TECRL: variants seen among roughly 807,000 people sequenced by gnomAD.
TECRL encodes the protein trans-2,3-enoyl-CoA reductase-like.
In TECRL, 63 loss-of-function variants were observed where a neutral mutation model predicts 52.8. That is an observed-to-expected ratio of 1.19 (90% confidence interval 0.97 to 1.47). TECRL has a LOEUF of 1.47. TECRL is among the 40% of genes most tolerant of loss of function. TECRL has a pLI of 0.00. For missense variants in TECRL, 482 were observed against 429.6 expected, an observed-to-expected ratio of 1.12 and a Z score of -1.08; for synonymous variants, 164 against 141.9, an observed-to-expected ratio of 1.16 and a Z score of -1.10.
In TECRL at chr4:64,280,040, TG is replaced by T. The variant is rs542128095; in HGVS notation, c.*31del. The T allele has an allele frequency of 4.7e-3, 7,349 of 1,565,884 alleles. 23 individuals carry two copies. The highest frequency in any genetic ancestry group is 5.9e-3 in the Non-Finnish European group (6,863 of 1,156,766). On this transcript the variant is annotated 3_prime_UTR_variant, in exon 12 of 12. Coordinates refer to ENST00000381210, the MANE Select transcript of TECRL (RefSeq NM_001010874.5). ...AGTCTTATTTATTGAATTTATATGT[TG>T]CTGTTTTCTATAGGAGATAAGATTC...
Position 64,335,036 on chromosome 4 carries a change from T to C in TECRL, c.287-6480A>G, listed in dbSNP as rs528705978. Reference sequence around the variant, plus strand: ...CAATTTTACTTTGCAGAAACAGTAATCAGACCTGATTGTCCACCTCTTCAT... The same window carrying C: ...CAATTTTACTTTGCAGAAACAGTAACCAGACCTGATTGTCCACCTCTTCAT... On this transcript the variant is annotated intron_variant, in intron 2 of 11. Coordinates refer to ENST00000381210, the MANE Select transcript of TECRL (RefSeq NM_001010874.5). Among the ~76,000 whole-genome samples the C allele has an allele frequency of 1.6e-4, 24 of 152,302 alleles. No individual in the cohort carries two copies. In the South Asian group the frequency reaches 4.6e-3, roughly 29 times the overall value.
intron 9 of TECRL, among the ~76,000 whole-genome samples, chr4:64,288,696 T>C (rs1005849132): frequency 6.6e-6 from 1 of 152,244 alleles, no homozygotes; most frequent in Middle Eastern, 3.4e-3. Flanking sequence ...TCATGGTCAC[T>C]GTTTGGTGGT....
intron 2 of TECRL, among the ~76,000 whole-genome samples, chr4:64,339,031 G>C (rs580623): frequency 0.96 from 145,916 of 151,940 alleles, 70,341 homozygotes; most frequent in East Asian, 1. Context: ...TTGGAACCAA[G>C]CCAAATGTCC....
chr4:64,365,549 C>A (rs72614755), intron 2 of TECRL, among the ~76,000 whole-genome samples: 1 of 151,808 alleles, frequency 6.6e-6, no homozygotes, highest in African/African-American at 2.4e-5. Context: ...AATACAAAAC[C>A]AATGTACAAT....
At chr4:64,372,677 C>T (rs774327236) in intron 2 of TECRL, among the ~76,000 whole-genome samples, 12 of 151,106 alleles carry the variant, frequency 7.9e-5, no homozygotes, top group African/African-American at 1.2e-4. Flanking sequence ...TTAATCAAAA[C>T]GAGAACAAAA....
chr4:64,397,363 C>T (rs1724026248), intron 1 of TECRL, among the ~76,000 whole-genome samples: 1 of 151,868 alleles, frequency 6.6e-6, no homozygotes, highest in African/African-American at 2.4e-5. Context: ...AAAGGAACTA[C>T]AGTACATTTA....
chr4:64,288,676 CA>C (rs1266090146), intron 9 of TECRL, among the ~76,000 whole-genome samples: 1 of 151,930 alleles, frequency 6.6e-6, no homozygotes, highest in Non-Finnish European at 1.5e-5. Flanking sequence ...CTTGCCCTCC[CA>C]AAAAAAGGTC....
intron 5 of TECRL, among the ~76,000 whole-genome samples, chr4:64,310,357 T>C (rs1724600144): frequency 6.6e-6 from 1 of 152,202 alleles, no homozygotes; most frequent in Non-Finnish European, 1.5e-5. Flanking sequence ...TTTTTAATTG[T>C]CTGGTTGTCC....
chr4:64,366,076 G>A (rs1169597592), intron 2 of TECRL, among the ~76,000 whole-genome samples: 1 of 151,926 alleles, frequency 6.6e-6, no homozygotes, highest in Non-Finnish European at 1.5e-5. Context: ...CAGAAAAAAA[G>A]CCACACAAAT....
At chr4:64,375,504 C>T (rs966252141) in intron 1 of TECRL, among the ~76,000 whole-genome samples, 2 of 151,568 alleles carry the variant, frequency 1.3e-5, no homozygotes, top group Non-Finnish European at 2.9e-5. Context: ...TTTCTTTGTC[C>T]AAAATAGTCA....
Position 64,386,851 on chromosome 4 carries a change from A to T in TECRL, c.235-11628T>A, listed in dbSNP as rs147227127. Among the ~76,000 whole-genome samples, 349 of 152,262 alleles carry T rather than the reference A, an allele frequency of 2.3e-3. 2 individuals are homozygous for T. Among genetic ancestry groups the T allele is most frequent in the African/African-American group, 8.1e-3 (335 of 41,564 alleles). ...GATTTCCAAGGTACTCTTTGCCTTTACACATGCATAGCATCCCCTATTATC... is the reference window on the plus strand; with the variant it reads ...GATTTCCAAGGTACTCTTTGCCTTTTCACATGCATAGCATCCCCTATTATC... On this transcript the variant is annotated intron_variant, in intron 1 of 11. Coordinates refer to ENST00000381210, the MANE Select transcript of TECRL (RefSeq NM_001010874.5).
At chr4:64,333,622 A>T (rs1577887552) in intron 2 of TECRL, among the ~76,000 whole-genome samples, 1 of 152,344 alleles carries the variant, frequency 6.6e-6, no homozygotes, top group South Asian at 2.1e-4. Flanking sequence ...GTATTCTTTG[A>T]CTTTAAACCA....
chr4:64,322,941 G>T (rs1353113204), intron 3 of TECRL, 149 bp from the exon 4 acceptor site: 1 of 630,874 alleles, frequency 1.6e-6, no homozygotes, highest in Non-Finnish European at 2.7e-6. Context: ...AAAACAAAAT[G>T]TGAACAATGC....
chr4:64,398,160 C>T (rs1447391838), intron 1 of TECRL, among the ~76,000 whole-genome samples: 1 of 151,904 alleles, frequency 6.6e-6, no homozygotes, highest in African/African-American at 2.4e-5. Context: ...GAATTTGTAT[C>T]TATGTCCTAA....
chr4:64,309,762 A>T, intron 6 of TECRL, 64 bp downstream of exon 6: 1 of 1,061,366 alleles, frequency 9.4e-7, no homozygotes, highest in Non-Finnish European at 1.4e-6. Context: ...ATGATTAAAT[A>T]TTTTGCAAAG....
intron 2 of TECRL, among the ~76,000 whole-genome samples, chr4:64,369,872 G>C (rs1046507133): frequency 6.6e-6 from 1 of 151,730 alleles, no homozygotes; most frequent in African/African-American, 2.4e-5. Context: ...AAGTAGAGTA[G>C]GACATGTAGT....
At chr4:64,309,021 T>G (rs1461385191) in intron 6 of TECRL, among the ~76,000 whole-genome samples, 4 of 152,172 alleles carry the variant, frequency 2.6e-5, no homozygotes, top group Non-Finnish European at 5.9e-5. Flanking sequence ...TTGACTGGAA[T>G]GGAAATGGCT....
chr4:64,390,370 G>T (rs547007415), intron 1 of TECRL, among the ~76,000 whole-genome samples: 12 of 151,936 alleles, frequency 7.9e-5, no homozygotes, highest in Non-Finnish European at 1.6e-4. Context: ...AGTGGAGCAT[G>T]ATCATGTAAC....
At chr4:64,374,052 C>CATATATATATATATAGTATATACAT in intron 2 of TECRL, among the ~76,000 whole-genome samples, 1 of 106,014 alleles carries the variant, frequency 9.4e-6, no homozygotes, top group South Asian at 3.1e-4. Context: ...ATAGTAGATA[C>CATATATATATATATAGTATATACAT]ATATATATAT....
Sources: gnomAD v4.1 joint callset for allele counts (sites outside exome capture counted in the v4.1 genomes callset) on GRCh38, gnomAD v4.1.1 for gene constraint, MANE v1.5 for transcripts, NCBI Gene and HGNC (gene_info 2026-07-23, HGNC 2026-07-21) for gene names.